The following RAB9B variants were observed in gnomAD, a reference collection of about 807,000 sequenced individuals.
RAB9B encodes the protein RAB9B, member RAS oncogene family.
Under a neutral mutation model 8.9 loss-of-function variants are expected in RAB9B, and 1 was observed. The ratio of observed to expected loss-of-function variants is 0.11; its 90% CI spans 0.04 to 0.53. The LOEUF (loss-of-function observed/expected upper bound fraction) is 0.53. Among genes scored for constraint, RAB9B ranks in the 20% least tolerant of loss-of-function variants. The pLI, the probability that RAB9B is intolerant of heterozygous loss-of-function variation, is 0.93. For missense variants in RAB9B, 82 were observed against 152.9 expected (o/e 0.54, Z 2.45); for synonymous variants, 63 against 57.0 (o/e 1.10, Z -0.47).
downstream of RAB9B, among the ~76,000 whole-genome samples, chrX:103,818,846 ATTTC>A (rs1242500706): frequency 9.0e-6 from 1 of 111,654 alleles, no homozygotes; most frequent in Admixed American, 9.6e-5. Context: ...TTGCTTTTCT[ATTTC>A]TTTCATTACT....
chrX:103,821,099 G>A (rs188715210), downstream of RAB9B, among the ~76,000 whole-genome samples: 46 of 107,551 alleles, frequency 4.3e-4, no homozygotes, highest in Admixed American at 2.6e-3. Flanking sequence ...TTCAGGAGGT[G>A]GAGGTTGCAG....
At chrX:103,791,510 G>C in the RAB9B span, 1 of 112,417 alleles carries the variant, frequency 8.9e-6, no homozygotes, top group Non-Finnish European at 1.9e-5. Flanking sequence ...ACACAGGATA[G>C]ATAACTCTTT....
chrX:103,785,097 C>T, the RAB9B span, among the ~76,000 whole-genome samples: 23 of 108,714 alleles, frequency 2.1e-4, no homozygotes, highest in Admixed American at 1.9e-3. Context: ...TTTCTTGAGA[C>T]AGAGTCTCGC....
chrX:103,784,835 G>T, the RAB9B span, among the ~76,000 whole-genome samples: 1 of 111,977 alleles, frequency 8.9e-6, no homozygotes, highest in Admixed American at 9.4e-5. Context: ...GGCAGAGTCT[G>T]TGTCTTTTCT....
At chrX:103,790,717 G>A in the RAB9B span, 1 of 577,167 alleles carries the variant, frequency 1.7e-6, no homozygotes, top group African/African-American at 2.2e-5. Context: ...CTTACTTGAT[G>A]AGTGTAACAA....
the RAB9B span, among the ~76,000 whole-genome samples, chrX:103,796,355 A>G: frequency 1.8e-5 from 2 of 111,437 alleles, no homozygotes; most frequent in African/African-American, 6.5e-5. Flanking sequence ...CTATAATTCC[A>G]GCTACTCAGG....
rs1746256990 is a variant in RAB9B at position 103,824,535 on chromosome X, C to A, written c.*644G>T. 8.9e-6 allele frequency: 1 copy of A among 112,175 alleles called. No homozygotes were observed. Among genetic ancestry groups the A allele is most frequent in the Admixed American group, 9.4e-5 (1 of 10,587 alleles). 9.2% of individuals were successfully genotyped at this position (112,175 alleles called of 1,213,427 possible). On this transcript the variant is annotated 3_prime_UTR_variant, in exon 3 of 3. Transcript: ENST00000243298. ...TGACTTCAAACACAAGAAGTATAAT[C>A]AATTGCCAGTGTCATTAGAGTATCT...
the RAB9B span, among the ~76,000 whole-genome samples, chrX:103,815,254 G>A: frequency 1.8e-5 from 2 of 112,003 alleles, no homozygotes; most frequent in African/African-American, 6.5e-5. Context: ...CAATCAAGTT[G>A]GCTTCATCCC....
At chrX:103,798,011 C>G in the RAB9B span, among the ~76,000 whole-genome samples, 1 of 110,978 alleles carries the variant, frequency 9.0e-6, no homozygotes, top group South Asian at 3.9e-4. Flanking sequence ...TCAGGATCAC[C>G]CGGGAGCTAG....
At chrX:103,779,887 A>G in the RAB9B span, 1 of 112,513 alleles carries the variant, frequency 8.9e-6, no homozygotes, top group East Asian at 2.8e-4. Context: ...CTTTGTCTTG[A>G]AAGAAAGCAA....
At chrX:103,801,991 A>T in the RAB9B span, among the ~76,000 whole-genome samples, 1 of 111,590 alleles carries the variant, frequency 9.0e-6, no homozygotes, top group Non-Finnish European at 1.9e-5. Context: ...AGGGGAGTCA[A>T]TGCCACTGTG....
the RAB9B span, among the ~76,000 whole-genome samples, chrX:103,803,321 T>C: frequency 1.8e-5 from 2 of 112,373 alleles, no homozygotes; most frequent in Non-Finnish European, 3.8e-5. Context: ...CCAATAACAA[T>C]GTATGAAGGT....
At chrX:103,781,647 C>T in the RAB9B span, among the ~76,000 whole-genome samples, 1 of 112,302 alleles carries the variant, frequency 8.9e-6, no homozygotes, top group East Asian at 2.8e-4. Flanking sequence ...TGCTAGTGTG[C>T]TTAATTCTTG....
the RAB9B span, chrX:103,786,602 G>A: frequency 8.3e-7 from 1 of 1,211,714 alleles, no homozygotes; most frequent in East Asian, 3.0e-5. Context: ...ACCATCTGCG[G>A]CAAGGGCCTG....
At chrX:103,790,728 G>A in the RAB9B span, 1 of 561,734 alleles carries the variant, frequency 1.8e-6, no homozygotes, top group South Asian at 2.3e-5. Context: ...AGTGTAACAA[G>A]AAAGGAGAGT....
At chrX:103,788,913 G>A in the RAB9B span, 4 of 273,139 alleles carry the variant, frequency 1.5e-5, no homozygotes, top group Non-Finnish European at 2.6e-5. Context: ...TCTCAAATGA[G>A]AGGTAAAATA....
chrX:103,822,227 C>T (rs185671217), downstream of RAB9B: 2 of 112,118 alleles, frequency 1.8e-5, no homozygotes, highest in Admixed American at 1.9e-4. Context: ...GAGGCCACAT[C>T]CAGTGCAGCC....
At chrX:103,788,805 T>G in the RAB9B span, 84,515 of 346,977 alleles carry the variant, frequency 0.24, 8,340 homozygotes, top group Admixed American at 0.34. Context: ...CACATGAAAA[T>G]TTTCATTCCT....
In RAB9B at chrX:103,823,361, C is replaced by T. The variant is rs2074670413; in HGVS notation, c.*1818G>A. The stretch of plus-strand genomic sequence containing the variant: ...TTGAACAATGGTGTCAGGATTATAT[C>T]TTAATTGGAAATATTGAGTATGACT... On this transcript the variant is annotated 3_prime_UTR_variant, in exon 3 of 3. Transcript: ENST00000243298. The T allele has an allele frequency of 9.0e-6, 1 of 111,565 alleles. No homozygotes were observed. Among genetic ancestry groups the T allele is most frequent in the Non-Finnish European group, 1.9e-5 (1 of 53,152 alleles). 9.2% of individuals were successfully genotyped at this position (111,565 alleles called of 1,213,427 possible). A position where few individuals can be genotyped will look rare whatever the true frequency, so the allele number is the denominator to read the frequency against.
Sources: allele counts gnomAD v4.1 joint callset (sites outside exome capture counted in the v4.1 genomes callset), GRCh38; gene constraint gnomAD v4.1.1; transcripts MANE v1.5; gene names NCBI Gene and HGNC (gene_info 2026-07-23, HGNC 2026-07-21).